KCNAB3: variants seen among roughly 807,000 people sequenced by gnomAD.
KCNAB3 encodes the protein potassium voltage-gated channel subfamily A regulatory beta subunit 3.
Under a neutral mutation model 67.7 loss-of-function variants are expected in KCNAB3, and 62 were observed. The ratio of observed to expected loss-of-function variants is 0.92; its 90% confidence interval spans 0.75 to 1.13. The LOEUF (loss-of-function observed/expected upper bound fraction) is 1.13. Ranked by LOEUF, KCNAB3 falls within the 50% of genes most tolerant of loss-of-function variation. KCNAB3 has a pLI of 0.00. For missense variants in KCNAB3, 514 were observed against 522.9 expected, an observed-to-expected ratio of 0.98 and a Z score of 0.17; for synonymous variants, 212 against 205.4, an observed-to-expected ratio of 1.03 and a Z score of -0.27.
Position 7,927,783 on chromosome 17 carries a change from C to A in KCNAB3, c.286G>T (p.Gly96Cys), listed in dbSNP as rs1271179986. The A allele has an allele frequency of 6.2e-7, 1 of 1,614,186 alleles. No homozygotes were observed. Residue 96 changes from glycine (G) to cysteine (C), a missense_variant and splice_region_variant, in exon 2 of 14, where the codon GGT (glycine) becomes TGT (cysteine). Gly to Cys is a radical substitution (Grantham distance 159). Transcript: ENST00000303790. ...SGLRVSCLGLGTWVTFGSQIS... is the reference protein window; with the variant it reads ...SGLRVSCLGLCTWVTFGSQIS... ...TTCCTTAATCCCTATTCTGACTCAC[C>A]TAGGCCAAGACAGGATACCCGAAGA... is the stretch of plus-strand genomic sequence containing the variant.
At chr17:7,928,156 G>T in intron 1 of KCNAB3, 1 of 458,714 alleles carries the variant, frequency 2.2e-6, no homozygotes, top group Non-Finnish European at 4.0e-6. Context: ...TGGGTTGTGT[G>T]CAGTGAGGGG....
In KCNAB3 at chr17:7,925,695, G is replaced by T; in HGVS notation, c.526C>A (p.His176Asn). 2 of 1,614,028 alleles carry T rather than the reference G, an allele frequency of 1.2e-6. No individual in the cohort carries two copies. Among genetic ancestry groups the T allele is most frequent in the South Asian group, 2.2e-5 (2 of 91,080 alleles). Residue 176 changes from histidine (H) to asparagine (N), a missense_variant, in exon 7 of 14, where the codon CAC becomes AAC. Transcript: ENST00000303790. Reference sequence around the variant, plus strand: ...CCCTAACTCTCACCCTCAATGATGTGCTTTCGGCTTAAACCTCGCTCGGTT... The same window carrying T: ...CCCTAACTCTCACCCTCAATGATGTTCTTTCGGCTTAAACCTCGCTCGGTT... ...AETERGLSRK[H>N]IIEGLRGSLE...
At position 7,922,336 on chromosome 17, in the gene KCNAB3, GTTTTA is replaced by G. The variant is rs931502300; in HGVS notation, c.*761_*765del. On this transcript the variant is annotated 3_prime_UTR_variant, in exon 14 of 14. Coordinates refer to ENST00000303790, the MANE Select transcript of KCNAB3 (RefSeq NM_004732.4). ...AAGGCTCAAAAGTCTATACCCAGAC[GTTTTA>G]TTTATTTATTTTTTTTAAATCAAGG... The G allele has an allele frequency of 6.6e-6, 1 of 152,174 alleles. No homozygotes were observed. Among genetic ancestry groups the G allele is most frequent in the African/African-American group, 2.4e-5 (1 of 41,444 alleles). The allele number at this position is 152,174 out of a possible 1,614,324, so 9.4% of individuals were successfully genotyped here. A position where few individuals can be genotyped will look rare whatever the true frequency, so the allele number is the denominator to read the frequency against.
In KCNAB3 at chr17:7,923,781, T is replaced by C. The variant is rs760685720; in HGVS notation, c.978A>G (p.Gln326=). Residue 326 remains glutamine (Q), a synonymous_variant, in exon 12 of 14, where the codon CAA becomes CAG. Transcript: ENST00000303790. ...GAAGAAGGTCCATGACTTTGGCTTG[T>C]TGCTTCTTGCCATCTTCACTCTGCA... ...DKVQSEDGKK[Q]QAKVMDLLPV... is the part of the protein sequence containing the mutation. 7 of 1,581,302 alleles carry C rather than the reference T, an allele frequency of 4.4e-6. No homozygotes were observed. The highest frequency in any genetic ancestry group is 6.0e-6 in the Non-Finnish European group (7 of 1,162,846).
At position 7,924,629 on chromosome 17, in the gene KCNAB3, T is replaced by C. The variant is rs959637295; in HGVS notation, c.626-129A>G. On this transcript the variant is annotated intron_variant, in intron 8 of 13. Transcript: ENST00000303790. The stretch of plus-strand genomic sequence containing the variant: ...TGGAGTCATGAAAGTTAATATCTAC[T>C]CTTTGCCTCTCTTCCTGTCCACATC... 1.1e-5 allele frequency: 16 copies of C among 1,412,380 alleles called. No homozygotes were observed. The East Asian group carries it at 1.3e-4, about 11-fold the overall frequency. 87.5% of individuals were successfully genotyped at this position (1,412,380 alleles called of 1,614,324 possible).
At chr17:7,926,438 T>C (rs921899655) in intron 4 of KCNAB3, among the ~76,000 whole-genome samples, 9 of 152,204 alleles carry the variant, frequency 5.9e-5, no homozygotes, top group African/African-American at 2.2e-4. Context: ...CTATCTGGGT[T>C]GCCCTCCTCC....
At position 7,922,945 on chromosome 17, in the gene KCNAB3, A is replaced by T. The variant is rs550062812; in HGVS notation, c.*157T>A. On this transcript the variant is annotated 3_prime_UTR_variant, in exon 14 of 14. Coordinates refer to ENST00000303790, the MANE Select transcript of KCNAB3 (RefSeq NM_004732.4). ...ACTGCAAAAGGATATGGCTTTGTTC[A>T]TGCGTATCACTACTCGAAGCCGGGA... 144 of 680,454 alleles carry T rather than the reference A, an allele frequency of 2.1e-4. No individual in the cohort carries two copies. The African/African-American group carries it at 2.3e-3, about 11-fold the overall frequency. The allele number at this position is 680,454 out of a possible 1,614,324, so 42.2% of individuals were successfully genotyped here. A position where few individuals can be genotyped will look rare whatever the true frequency, so the allele number is the denominator to read the frequency against.
In KCNAB3 at chr17:7,929,356, C is replaced by A; in HGVS notation, c.80G>T (p.Gly27Val). The A allele has an allele frequency of 6.5e-7, 1 of 1,549,264 alleles. No individual in the cohort carries two copies. Among genetic ancestry groups the A allele is most frequent in the Non-Finnish European group, 8.7e-7 (1 of 1,146,684 alleles). ...CGGCCCACCATTACCGCCCCCGGGG[C>A]CCGGCCGGGGTCCACACAGACGGTC... ...SEDRLCGPRP[G>V]PGGGNGGPAG... Residue 27 changes from glycine to valine, a missense_variant, in exon 1 of 14, where the codon GGC becomes GTC. Coordinates refer to ENST00000303790, the MANE Select transcript of KCNAB3 (RefSeq NM_004732.4). The surrounding 1 kb of genome is among the most constrained non-coding windows in gnomAD (Gnocchi z 5.7).
At position 7,924,078 on chromosome 17, in the gene KCNAB3, T is replaced by C. The variant is rs1216738271; in HGVS notation, c.833-16A>G. Reference sequence around the variant, plus strand: ...GATCCAACTCCTAAGGGAAGAACACTGGGTGTCAGGAAAAGGACCTAGCCA... The same window carrying C: ...GATCCAACTCCTAAGGGAAGAACACCGGGTGTCAGGAAAAGGACCTAGCCA... On this transcript the variant is annotated splice_polypyrimidine_tract_variant and intron_variant, in intron 10 of 13. Transcript: ENST00000303790. 9 of 1,614,040 alleles carry C rather than the reference T, an allele frequency of 5.6e-6. No homozygotes were observed. The highest frequency in any genetic ancestry group is 1.7e-5 in the Admixed American group (1 of 60,008).
In KCNAB3 at chr17:7,929,560, T is replaced by G. The variant is rs532821396; in HGVS notation, c.-125A>C. 6 of 1,464,996 alleles carry G rather than the reference T, an allele frequency of 4.1e-6. No individual in the cohort carries two copies. In the South Asian group the frequency reaches 5.5e-5, roughly 13 times the overall value. 90.7% of individuals were successfully genotyped at this position (1,464,996 alleles called of 1,614,324 possible). A position where few individuals can be genotyped will look rare whatever the true frequency, so the allele number is the denominator to read the frequency against. ...GGCAGAGCGGGAAGGCTGAGGAGGC[T>G]GCGGCGGGAGCCGCCAGGCAGGATC... On this transcript the variant is annotated 5_prime_UTR_variant, in exon 1 of 14. Coordinates refer to ENST00000303790, the MANE Select transcript of KCNAB3 (RefSeq NM_004732.4). This position sits in a 1 kb window ranked among gnomAD's most constrained non-coding sequence, Gnocchi z 5.7.
At chr17:7,928,015 A>G (rs1032591001) in intron 1 of KCNAB3, 189 bp from the exon 2 acceptor site, 4 of 647,130 alleles carry the variant, frequency 6.2e-6, no homozygotes, top group Non-Finnish European at 1.1e-5. Flanking sequence ...TTTTCTCAAA[A>G]GGACAAGTGA....
In KCNAB3 at chr17:7,929,824, GGC is replaced by G; in HGVS notation, c.-391_-390del. 7 of 1,015,316 alleles carry G rather than the reference GGC, an allele frequency of 6.9e-6. No individual in the cohort carries two copies. The highest frequency in any genetic ancestry group is 7.8e-5 in the South Asian group (2 of 25,726). 62.9% of individuals were successfully genotyped at this position (1,015,316 alleles called of 1,614,324 possible). A position where few individuals can be genotyped will look rare whatever the true frequency, so the allele number is the denominator to read the frequency against. On this transcript the variant is annotated 5_prime_UTR_variant, in exon 1 of 14. Coordinates refer to ENST00000303790, the MANE Select transcript of KCNAB3 (RefSeq NM_004732.4). The surrounding 1 kb of genome is among the most constrained non-coding windows in gnomAD (Gnocchi z 5.7). ...GCGCGAACCGCTGCGGGACCCGCTG[GGC>G]TCCCAGCCGCGTCGGCAGCGGGCCC...
chr17:7,926,071 C>A lies in KCNAB3; in HGVS notation c.437G>T (p.Ser146Ile), dbSNP rs1972221342. ...AERTLGNILK[S>I]KGWRRSSYVI... ...AAAACAGTCTCACCTCCAACCTTTG[C>A]TCTTGAGGATGTTCCCTAGGGTTCT... is the stretch of plus-strand genomic sequence containing the variant. The change falls in exon 5 of 14, where the codon AGC becomes ATC. Residue 146 changes from serine (S) to isoleucine (I), a missense_variant. Physicochemically the swap from Ser to Ile is moderately radical, Grantham distance 142 (BLOSUM62 -2). Coordinates refer to ENST00000303790, the MANE Select transcript of KCNAB3 (RefSeq NM_004732.4). The A allele has an allele frequency of 6.2e-7, 1 of 1,614,032 alleles. No homozygotes were observed. The highest frequency in any genetic ancestry group is 1.3e-5 in the African/African-American group (1 of 74,910).
chr17:7,925,285 T>C, intron 7 of KCNAB3, 102 bp from the exon 8 acceptor site: 1 of 896,160 alleles, frequency 1.1e-6, no homozygotes, highest in Non-Finnish European at 1.8e-6. Flanking sequence ...CCCAGCACTT[T>C]GGGAGGCCGA....
intron 4 of KCNAB3, 45 bp downstream of exon 4, chr17:7,927,299 C>T (rs750963795): frequency 6.5e-7 from 1 of 1,549,550 alleles, no homozygotes. Flanking sequence ...CTGGGGTCCT[C>T]TCAGCCTTCC....
At position 7,923,788 on chromosome 17, in the gene KCNAB3, T is replaced by C. The variant is rs1972129137; in HGVS notation, c.971A>G (p.Lys324Arg). ...LKDKVQSEDG[K>R]KQQAKVMDLL... is the part of the protein sequence containing the mutation. ...GTCCATGACTTTGGCTTGTTGCTTCTTGCCATCTTCACTCTGCACTTTGTC... is the reference window on the plus strand; with the variant it reads ...GTCCATGACTTTGGCTTGTTGCTTCCTGCCATCTTCACTCTGCACTTTGTC... The change falls in exon 12 of 14, where the codon AAG becomes AGG. Residue 324 changes from lysine to arginine, a missense_variant. Coordinates refer to ENST00000303790, the MANE Select transcript of KCNAB3 (RefSeq NM_004732.4). 6.3e-7 allele frequency: 1 copy of C among 1,582,156 alleles called. No homozygotes were observed. Among genetic ancestry groups the C allele is most frequent in the East Asian group, 2.3e-5 (1 of 43,782 alleles).
chr17:7,923,292 G>A, intron 13 of KCNAB3, 113 bp from the exon 14 acceptor site: 1 of 1,286,628 alleles, frequency 7.8e-7, no homozygotes, highest in Non-Finnish European at 1.1e-6. Context: ...CAAGGCAAGA[G>A]CCGCAGCTGT....
In KCNAB3 at chr17:7,929,462, G is replaced by A; in HGVS notation, c.-27C>T. 6.6e-7 allele frequency: 1 copy of A among 1,516,918 alleles called. No homozygotes were observed. The highest frequency in any genetic ancestry group is 1.2e-5 in the South Asian group (1 of 82,522). The allele number at this position is 1,516,918 out of a possible 1,614,324, so 94.0% of individuals were successfully genotyped here. A position where few individuals can be genotyped will look rare whatever the true frequency, so the allele number is the denominator to read the frequency against. ...CTGGCTGGCCGAGGCGGGGGAGGGG[G>A]CTCCGAGGGGACGGGAGGGGGGAGC... On this transcript the variant is annotated 5_prime_UTR_variant, in exon 1 of 14. Transcript: ENST00000303790. The surrounding 1 kb of genome is among the most constrained non-coding windows in gnomAD (Gnocchi z 5.7).
chr17:7,925,649 C>CCCTCA (rs1399790714), intron 7 of KCNAB3, 34 bp downstream of exon 7: 2 of 1,610,840 alleles, frequency 1.2e-6, no homozygotes, highest in Non-Finnish European at 8.5e-7. Context: ...CTTCCATATC[C>CCCTCA]CCTCACTTTG....
Sources: gnomAD v4.1 joint callset for allele counts (sites outside exome capture counted in the v4.1 genomes callset) on GRCh38, gnomAD v4.1.1 for gene constraint, Gnocchi (gnomAD v3.1) non-coding constraint, MANE v1.5 for transcripts, NCBI Gene and HGNC (gene_info 2026-07-23, HGNC 2026-07-21) for gene names.